RGS18: variants seen among roughly 807,000 people sequenced by gnomAD.
RGS18 encodes regulator of G protein signaling 18, also known as regulator of G-protein signaling 18.
A neutral mutation model predicts 27.6 loss-of-function variants in RGS18; 22 were observed. The observed-to-expected ratio is 0.80, with a 90% CI of 0.57 to 1.14. The LOEUF (loss-of-function observed/expected upper bound fraction) is 1.14, where lower values mean the gene tolerates loss of function less well. Among genes scored for constraint, RGS18 ranks in the 50% most tolerant of loss-of-function variants. The pLI is 0.00. For missense variants in RGS18, 299 were observed against 269.6 expected, an observed-to-expected ratio of 1.11 and a Z score of -0.76; for synonymous variants, 89 against 84.6, an observed-to-expected ratio of 1.05 and a Z score of -0.29.
At chr1:192,183,853 C>T (rs1409824969) in intron 4 of RGS18, among the ~76,000 whole-genome samples, 1 of 151,616 alleles carries the variant, frequency 6.6e-6, no homozygotes, top group African/African-American at 2.4e-5. Context: ...CATGGTTCTG[C>T]AGGCTATACA....
At chr1:192,171,891 G>A (rs985971968) in intron 3 of RGS18, among the ~76,000 whole-genome samples, 16 of 152,068 alleles carry the variant, frequency 1.1e-4, no homozygotes, top group Non-Finnish European at 1.0e-4. Context: ...CCACAACTAC[G>A]GTGATTAAAA....
chr1:192,161,532 T>C (rs1470955176), intron 3 of RGS18: 1 of 151,742 alleles, frequency 6.6e-6, no homozygotes, highest in Non-Finnish European at 1.5e-5. Context: ...TGTCAGAGTC[T>C]GCAAAAAAAG....
chr1:192,161,945 A>G (rs1165114687), intron 3 of RGS18, among the ~76,000 whole-genome samples: 1 of 152,160 alleles, frequency 6.6e-6, no homozygotes, highest in Non-Finnish European at 1.5e-5. Context: ...TTAGTGATAT[A>G]AAAATTCTAT....
chr1:192,168,224 C>T (rs1464674377), intron 3 of RGS18: 1 of 152,100 alleles, frequency 6.6e-6, no homozygotes, highest in Admixed American at 6.6e-5. Context: ...CAGGAAGTAA[C>T]TAATGTGCTG....
In RGS18 at chr1:192,177,713, A is replaced by G. The variant is rs546590716; in HGVS notation, c.284-3579A>G. On this transcript the variant is annotated intron_variant, in intron 3 of 4. Coordinates refer to ENST00000367460, the MANE Select transcript of RGS18 (RefSeq NM_130782.3). ...TATAGGCTGTATGGGTTAGATTAAT[A>G]AAATTGCTTTATGGATTTAGAATAG... 3.3e-5 allele frequency among the ~76,000 whole-genome samples: 5 copies of G among 151,896 alleles called. No individual in the cohort carries two copies. The South Asian group carries it at 1.0e-3, about 31-fold the overall frequency.
At chr1:192,165,043 C>T (rs1237323917) in intron 3 of RGS18, among the ~76,000 whole-genome samples, 1 of 151,958 alleles carries the variant, frequency 6.6e-6, no homozygotes, top group African/African-American at 2.4e-5. Context: ...CTCTTATTGC[C>T]GAAAATGGGT....
At position 192,158,747 on chromosome 1, in the gene RGS18, C is replaced by A. The variant is rs928628694; in HGVS notation, c.110C>A (p.Ala37Asp). 1.9e-6 allele frequency: 3 copies of A among 1,556,680 alleles called. No individual in the cohort carries two copies. Among genetic ancestry groups the A allele is most frequent in the African/African-American group, 1.4e-5 (1 of 71,780 alleles). ...GSGKEETSKE[A>D]KIRAKEKRNR... is the part of the protein sequence containing the mutation. ...GGAAAAGAAGAAACAAGCAAAGAAG[C>A]CAAAATCAGGTAAAATTGTACAATT... is the stretch of plus-strand genomic sequence containing the variant. Residue 37 changes from alanine (A) to aspartate (D), a missense_variant, in exon 1 of 5, where the codon GCC becomes GAC. Transcript: ENST00000367460.
At chr1:192,176,998 C>T (rs1409677905) in intron 3 of RGS18, among the ~76,000 whole-genome samples, 1 of 151,666 alleles carries the variant, frequency 6.6e-6, no homozygotes. Context: ...GTAGAAGGCT[C>T]ACATTGGCAA....
chr1:192,166,384 G>T (rs969332968), intron 3 of RGS18, among the ~76,000 whole-genome samples: 6 of 152,090 alleles, frequency 3.9e-5, no homozygotes, highest in African/African-American at 1.4e-4. Flanking sequence ...ATTTTGACAT[G>T]ATCTGGAAAA....
intron 3 of RGS18, among the ~76,000 whole-genome samples, chr1:192,178,189 T>C (rs1242355652): frequency 6.6e-6 from 1 of 151,508 alleles, no homozygotes; most frequent in East Asian, 1.9e-4. Flanking sequence ...AAATGCCAGG[T>C]TTCCCGTTTA....
chr1:192,180,132 A>C (rs919639528), intron 3 of RGS18, among the ~76,000 whole-genome samples: 1 of 151,748 alleles, frequency 6.6e-6, no homozygotes, highest in African/African-American at 2.4e-5. Context: ...ACATTGTCTT[A>C]AGGTTGAATC....
Position 192,160,384 on chromosome 1 carries a change from C to T in RGS18, c.228C>T (p.Ser76=). ...SGHLAKETRV[S]PEEAVKWGES... is the part of the protein sequence containing the mutation. ...CATTTTGTTTCTTGTACAGAGTCTC[C>T]CCTGAAGAGGCAGTGAAATGGGGTG... The change falls in exon 3 of 5, where the codon TCC becomes TCT. Residue 76 remains serine (S), a synonymous_variant. Transcript: ENST00000367460. 1 of 1,610,750 alleles carries T rather than the reference C, an allele frequency of 6.2e-7. No homozygotes were observed. The highest frequency in any genetic ancestry group is 8.5e-7 in the Non-Finnish European group (1 of 1,177,184).
intron 2 of RGS18, among the ~76,000 whole-genome samples, chr1:192,159,760 C>A (rs1245467808): frequency 1.3e-5 from 2 of 151,896 alleles, no homozygotes; most frequent in African/African-American, 2.4e-5. Flanking sequence ...AAAGAAAATG[C>A]AAAAACCTTA....
rs750065202 is a variant in RGS18, at chr1:192,160,406, G to A, written c.250G>A (p.Gly84Ser). ...CTCCCCTGAAGAGGCAGTGAAATGG[G>A]GTGAATCATTTGACAAACTGCTTTC... ...RVSPEEAVKW[G>S]ESFDKLLSHR... The change falls in exon 3 of 5, where the codon GGT becomes AGT. Residue 84 changes from glycine to serine, a missense_variant. By Grantham distance (56) the Gly-to-Ser change is moderately conservative. Transcript: ENST00000367460. 1.2e-6 allele frequency: 2 copies of A among 1,612,402 alleles called. No homozygotes were observed. The highest frequency in any genetic ancestry group is 1.7e-6 in the Non-Finnish European group (2 of 1,178,700).
Position 192,160,438 on chromosome 1 carries a change from A to G in RGS18, c.282A>G (p.Arg94=), listed in dbSNP as rs772095697. The change falls in exon 3 of 5, where the codon AGA becomes AGG. Residue 94 remains arginine (R), a splice_region_variant and synonymous_variant. Coordinates refer to ENST00000367460, the MANE Select transcript of RGS18 (RefSeq NM_130782.3). The part of the protein sequence containing the change: ...GESFDKLLSH[R]DGLEAFTRFL... The stretch of plus-strand genomic sequence containing the variant: ...CATTTGACAAACTGCTTTCCCATAG[A>G]GGTTAGTGGTACTTTCACCAAATAC... 1 of 1,605,720 alleles carries G rather than the reference A, an allele frequency of 6.2e-7. No individual in the cohort carries two copies. The highest frequency in any genetic ancestry group is 8.5e-7 in the Non-Finnish European group (1 of 1,172,578).
intron 3 of RGS18, among the ~76,000 whole-genome samples, chr1:192,166,801 T>C (rs1656170793): frequency 1.3e-5 from 2 of 152,180 alleles, no homozygotes; most frequent in African/African-American, 4.8e-5. Flanking sequence ...TGAACATTTT[T>C]TGTCCATGGT....
intron 3 of RGS18, among the ~76,000 whole-genome samples, chr1:192,161,693 TCTAA>T (rs760098451): frequency 6.6e-6 from 1 of 152,144 alleles, no homozygotes. Context: ...GCCAGACTAC[TCTAA>T]CTACTCCTTG....
intron 3 of RGS18, among the ~76,000 whole-genome samples, chr1:192,179,831 G>T (rs1336278649): frequency 1.3e-5 from 2 of 151,496 alleles, no homozygotes; most frequent in African/African-American, 4.8e-5. Context: ...TGTAAATGTG[G>T]CTGTAAAAGG....
chr1:192,167,598 T>A (rs1445353272), intron 3 of RGS18, among the ~76,000 whole-genome samples: 2 of 152,056 alleles, frequency 1.3e-5, no homozygotes, highest in Non-Finnish European at 2.9e-5. Flanking sequence ...TTTTTGTATC[T>A]TTAGTAGAGA....
Sources: allele counts gnomAD v4.1 joint callset (sites outside exome capture counted in the v4.1 genomes callset), GRCh38; gene constraint gnomAD v4.1.1; transcripts MANE v1.5; gene names NCBI Gene and HGNC (gene_info 2026-07-23, HGNC 2026-07-21).